Variants in PDE10A observed in about 807,000 individuals in gnomAD.
The protein encoded by PDE10A is phosphodiesterase 10A, also known as cAMP and cAMP-inhibited cGMP 3',5'-cyclic phosphodiesterase 10A.
A neutral mutation model predicts 97.7 loss-of-function variants in PDE10A; 39 were observed. The ratio of observed to expected loss-of-function variants is 0.40; its 90% CI spans 0.31 to 0.52. The LOEUF (loss-of-function observed/expected upper bound fraction) is 0.52, where lower values mean the gene tolerates loss of function less well. Among genes scored for constraint, PDE10A ranks in the 20% least tolerant of loss-of-function variants. PDE10A has a pLI of 0.56. For synonymous variants in PDE10A, 371 were observed against 376.8 expected (o/e 0.98, Z 0.18); for missense variants, 731 against 1,047.8 (o/e 0.70, Z 4.17).
intron 1 of PDE10A, among the ~76,000 whole-genome samples, chr6:165,956,267 TA>T (rs1784132283): frequency 6.6e-6 from 1 of 152,320 alleles, no homozygotes; most frequent in South Asian, 2.1e-4. Context: ...ACCCAAATAC[TA>T]TTATTTATTT....
intron 1 of PDE10A, chr6:165,948,615 A>G (rs1228161274): frequency 6.6e-6 from 1 of 152,336 alleles, no homozygotes; most frequent in Admixed American, 6.5e-5. Context: ...CCTGCTAAGG[A>G]AGGTAGCTGA....
intron 1 of PDE10A, among the ~76,000 whole-genome samples, chr6:165,720,890 A>G (rs1402115786): frequency 6.6e-6 from 1 of 152,190 alleles, no homozygotes; most frequent in Non-Finnish European, 1.5e-5. Context: ...CTCAACTCAG[A>G]GGTCCTGAGG....
chr6:165,709,372 C>G (rs1791826782), intron 1 of PDE10A, among the ~76,000 whole-genome samples: 1 of 144,918 alleles, frequency 6.9e-6, no homozygotes, highest in African/African-American at 2.6e-5. Context: ...GCCGCGCTCT[C>G]CCCGTACCCT....
intron 1 of PDE10A, among the ~76,000 whole-genome samples, chr6:165,648,102 T>C (rs1480674083): frequency 1.3e-5 from 2 of 152,206 alleles, no homozygotes; most frequent in Non-Finnish European, 2.9e-5. Context: ...AAGCTCCACC[T>C]CTCGGGTTCA....
intron 1 of PDE10A, among the ~76,000 whole-genome samples, chr6:165,833,850 G>A (rs1780000114): frequency 6.6e-6 from 1 of 152,246 alleles, no homozygotes; most frequent in Non-Finnish European, 1.5e-5. Context: ...CAAAGCAGGA[G>A]CTGAAGTCAC....
At chr6:165,761,378 C>T (rs899303359) in intron 1 of PDE10A, among the ~76,000 whole-genome samples, 30 of 152,346 alleles carry the variant, frequency 2.0e-4, no homozygotes, top group African/African-American at 6.7e-4. Flanking sequence ...TTGAAAGTGA[C>T]TAAGTCCATG....
chr6:165,663,829 A>C (rs1313056947), upstream of PDE10A, among the ~76,000 whole-genome samples: 2 of 152,208 alleles, frequency 1.3e-5, no homozygotes, highest in African/African-American at 2.4e-5. Flanking sequence ...CCGCCTTGCC[A>C]TATGCGGCTC....
chr6:165,634,785 C>T (rs1788796945), intron 1 of PDE10A, among the ~76,000 whole-genome samples: 1 of 152,160 alleles, frequency 6.6e-6, no homozygotes, highest in Admixed American at 6.5e-5. Context: ...CAGAACGGTA[C>T]TCCTGGTACT....
At chr6:165,718,147 A>G (rs1792074177) in intron 1 of PDE10A, 1 of 152,130 alleles carries the variant, frequency 6.6e-6, no homozygotes, top group East Asian at 1.9e-4. Context: ...TTTTGATATC[A>G]TATCAAATTC....
intron 1 of PDE10A, among the ~76,000 whole-genome samples, chr6:165,562,743 TCA>T (rs1457991522): frequency 4.6e-5 from 7 of 152,214 alleles, no homozygotes; most frequent in African/African-American, 1.7e-4. Context: ...AGGAGAATTG[TCA>T]CAGTCAGAGC....
intron 6 of PDE10A, among the ~76,000 whole-genome samples, chr6:165,434,725 G>C (rs558834135): frequency 2.0e-5 from 3 of 152,164 alleles, no homozygotes; most frequent in Admixed American, 2.0e-4. Context: ...GAGACACAGG[G>C]AAAGCGATGG....
chr6:165,900,504 G>A (rs1782074335), intron 1 of PDE10A, among the ~76,000 whole-genome samples: 1 of 151,598 alleles, frequency 6.6e-6, no homozygotes, highest in South Asian at 2.1e-4. Context: ...AAAAAAAAAA[G>A]ACATCTGACC....
At chr6:165,831,211 A>G (rs1779902103) in intron 1 of PDE10A, among the ~76,000 whole-genome samples, 6 of 151,380 alleles carry the variant, frequency 4.0e-5, no homozygotes, top group Non-Finnish European at 8.8e-5. Context: ...TCTCTACTAA[A>G]AATACAAGAA....
At chr6:165,895,047 G>C (rs1014703631) in intron 1 of PDE10A, among the ~76,000 whole-genome samples, 1 of 152,212 alleles carries the variant, frequency 6.6e-6, no homozygotes, top group Non-Finnish European at 1.5e-5. Context: ...CACAGTCTGA[G>C]CTACTCAGCC....
intron 1 of PDE10A, among the ~76,000 whole-genome samples, chr6:165,851,414 T>C (rs1780568837): frequency 6.6e-6 from 1 of 152,220 alleles, no homozygotes; most frequent in Non-Finnish European, 1.5e-5. Context: ...CATCTATGTA[T>C]ATTTTACAAC....
At chr6:165,896,799 C>T (rs1286617547) in intron 1 of PDE10A, among the ~76,000 whole-genome samples, 1 of 152,126 alleles carries the variant, frequency 6.6e-6, no homozygotes, top group African/African-American at 2.4e-5. Flanking sequence ...GCTGGGATTA[C>T]ATGCGTGAGC....
intron 1 of PDE10A, among the ~76,000 whole-genome samples, chr6:165,920,159 C>T (rs1782715630): frequency 2.0e-5 from 3 of 152,146 alleles, no homozygotes; most frequent in Non-Finnish European, 4.4e-5. Context: ...AATGGCAGAG[C>T]TGAGTATTTA....
At chr6:165,712,841 C>T (rs1208030450) in intron 1 of PDE10A, among the ~76,000 whole-genome samples, 2 of 151,994 alleles carry the variant, frequency 1.3e-5, no homozygotes, top group South Asian at 2.1e-4. Context: ...GGAGCTTCAC[C>T]GTGTTAGCCA....
upstream of PDE10A, among the ~76,000 whole-genome samples, chr6:165,665,884 T>C (rs939443740): frequency 6.6e-6 from 1 of 152,248 alleles, no homozygotes; most frequent in African/African-American, 2.4e-5. Flanking sequence ...ATTTAAATTC[T>C]CCAAACATTC....
Sources: allele counts gnomAD v4.1 joint callset (sites outside exome capture counted in the v4.1 genomes callset), GRCh38; gene constraint gnomAD v4.1.1; transcripts MANE v1.5; gene names NCBI Gene and HGNC (gene_info 2026-07-23, HGNC 2026-07-21).